Variants in NMUR1 observed in about 807,000 individuals in gnomAD.
The protein encoded by NMUR1 is neuromedin U receptor 1, also known as neuromedin-U receptor 1.
A neutral mutation model predicts 18.8 loss-of-function variants in NMUR1; 16 were observed. The ratio of observed to expected loss-of-function variants is 0.85; its 90% CI spans 0.58 to 1.29. The LOEUF is 1.29. Ranked by LOEUF, NMUR1 falls within the 50% of genes most tolerant of loss-of-function variation. The probability of loss-of-function intolerance (pLI) is 0.00; values close to 1 mark genes in which losing one functional copy is unlikely to be tolerated. For missense variants in NMUR1, 529 were observed against 580.3 expected (o/e 0.91, Z 0.91); for synonymous variants, 258 against 258.2 (o/e 1.00, Z 0.01).
At position 231,528,712 on chromosome 2, in the gene NMUR1, G is replaced by C. The variant is rs113159138; in HGVS notation, c.309C>G (p.Ala103=). The C allele has an allele frequency of 3.7e-6, 6 of 1,614,244 alleles. No homozygotes were observed. The highest frequency in any genetic ancestry group is 1.7e-5 in the Admixed American group (1 of 60,032). ...TPTNYYLFSL[A]VSDLLVLLVG... is the part of the protein sequence containing the mutation. ...CCAGCAGCACCAGCAGGTCCGACAC[G>C]GCCAGGCTGAAGAGGTAGTAGTTGG... The change falls in exon 2 of 3, where the codon GCC becomes GCG. Residue 103 remains alanine, a synonymous_variant. Coordinates refer to ENST00000305141, the MANE Select transcript of NMUR1 (RefSeq NM_006056.5).
At chr2:231,528,098 C>T in intron 2 of NMUR1, 25 bp downstream of exon 2, 1 of 1,522,928 alleles carries the variant, frequency 6.6e-7, no homozygotes. Flanking sequence ...CTGGCTCAGC[C>T]CCTCTTCCCA....
intron 1 of NMUR1, 89 bp from the exon 2 acceptor site, chr2:231,529,106 G>A (rs754104936): frequency 8.7e-6 from 11 of 1,261,700 alleles, no homozygotes; most frequent in South Asian, 1.5e-5. Context: ...TGACATTAGC[G>A]CTATGATGAC....
chr2:231,518,560 A>G (rs1291608195), downstream of NMUR1, among the ~76,000 whole-genome samples: 1 of 152,226 alleles, frequency 6.6e-6, no homozygotes, highest in Non-Finnish European at 1.5e-5. Flanking sequence ...GATGGAATCA[A>G]ATTGCCAGAA....
chr2:231,519,282 A>G (rs1458046133), downstream of NMUR1, among the ~76,000 whole-genome samples: 1 of 152,186 alleles, frequency 6.6e-6, no homozygotes, highest in Non-Finnish European at 1.5e-5. Context: ...CTTATTGACC[A>G]GGGCGCACTT....
At chr2:231,528,102 C>T in intron 2 of NMUR1, 21 bp downstream of exon 2, 1 of 1,524,600 alleles carries the variant, frequency 6.6e-7, no homozygotes, top group Non-Finnish European at 8.8e-7. Flanking sequence ...CTCAGCCCCT[C>T]TTCCCAGCCG....
downstream of NMUR1, among the ~76,000 whole-genome samples, chr2:231,518,700 C>A (rs1284167578): frequency 6.6e-6 from 1 of 152,128 alleles, no homozygotes; most frequent in Non-Finnish European, 1.5e-5. Flanking sequence ...GGAGGTGAGA[C>A]GAACAGGGAG....
downstream of NMUR1, among the ~76,000 whole-genome samples, chr2:231,519,818 G>A (rs371099915): frequency 1.3e-5 from 2 of 152,292 alleles, no homozygotes; most frequent in African/African-American, 4.8e-5. Context: ...TGAGTCAGGC[G>A]CAGTGGCTCT....
intron 1 of NMUR1, among the ~76,000 whole-genome samples, chr2:231,529,577 C>A (rs2047395865): frequency 6.6e-6 from 1 of 151,706 alleles, no homozygotes; most frequent in Non-Finnish European, 1.5e-5. Context: ...AATGACAGAT[C>A]TTGGGTGTCT....
In NMUR1 at chr2:231,528,792, C is replaced by T. The variant is rs1233690818; in HGVS notation, c.229G>A (p.Gly77Ser). The T allele has an allele frequency of 1.2e-6, 2 of 1,614,212 alleles. No individual in the cohort carries two copies. The highest frequency in any genetic ancestry group is 8.5e-7 in the Non-Finnish European group (1 of 1,180,038). The change falls in exon 2 of 3, where the codon GGC (glycine) becomes AGC (serine). Residue 77 changes from glycine to serine, a missense_variant. Physicochemically the swap from Gly to Ser is moderately conservative, Grantham distance 56 (BLOSUM62 0). Coordinates refer to ENST00000305141, the MANE Select transcript of NMUR1 (RefSeq NM_006056.5). Reference sequence around the variant, plus strand: ...ATGACCAGACAGGTCAGCCCATTGCCCACAGCGCCCACCACGAAGATCAGC... The same window carrying T: ...ATGACCAGACAGGTCAGCCCATTGCTCACAGCGCCCACCACGAAGATCAGC... ...YLLIFVVGAV[G>S]NGLTCLVILR...
At chr2:231,525,953 CACAG>C (rs2125664298) in intron 2 of NMUR1, among the ~76,000 whole-genome samples, 1 of 109,742 alleles carries the variant, frequency 9.1e-6, no homozygotes, top group South Asian at 3.3e-4. Context: ...CATGCACACA[CACAG>C]ACACACACAT....
In NMUR1 at chr2:231,525,235, G is replaced by T; in HGVS notation, c.1089C>A (p.Phe363Leu). ...PVLYSLMSSRFRETFQEALCL... is the reference protein window; with the variant it reads ...PVLYSLMSSRLRETFQEALCL... ...ACAGGGCCTCCTGGAAGGTCTCTCG[G>T]AAGCGGCTGGACATGAGGCTATAGA... Residue 363 changes from phenylalanine to leucine, a missense_variant, in exon 3 of 3, where the codon TTC (phenylalanine) becomes TTA (leucine). Transcript: ENST00000305141. The T allele has an allele frequency of 6.2e-7, 1 of 1,614,196 alleles. No individual in the cohort carries two copies. Among genetic ancestry groups the T allele is most frequent in the South Asian group, 1.1e-5 (1 of 91,084 alleles).
chr2:231,520,864 C>A (rs1232354209), downstream of NMUR1, among the ~76,000 whole-genome samples: 1 of 152,196 alleles, frequency 6.6e-6, no homozygotes, highest in African/African-American at 2.4e-5. Flanking sequence ...GCATATGCAG[C>A]TTTGTTTGTT....
chr2:231,529,725 C>T (rs1291922120), intron 1 of NMUR1, among the ~76,000 whole-genome samples: 3 of 152,184 alleles, frequency 2.0e-5, no homozygotes, highest in Non-Finnish European at 4.4e-5. Context: ...CTCCCCAGTT[C>T]CAGGCTGTGT....
intron 1 of NMUR1, among the ~76,000 whole-genome samples, chr2:231,530,048 C>A (rs2125670779): frequency 6.6e-6 from 1 of 152,374 alleles, no homozygotes; most frequent in Admixed American, 6.5e-5. Context: ...CCACACCCTT[C>A]CTCCCGCCCG....
intron 2 of NMUR1, among the ~76,000 whole-genome samples, chr2:231,527,399 T>G (rs2047366995): frequency 6.6e-6 from 1 of 151,944 alleles, no homozygotes; most frequent in African/African-American, 2.4e-5. Flanking sequence ...TCCCAGCACT[T>G]TGGGAGGCTG....
intron 2 of NMUR1, among the ~76,000 whole-genome samples, chr2:231,527,637 C>CAAAAA (rs10522812): frequency 5.0e-5 from 5 of 99,968 alleles, no homozygotes; most frequent in South Asian, 2.7e-4. Flanking sequence ...GACCCTGTCT[C>CAAAAA]AAAAAAAAAA....
downstream of NMUR1, among the ~76,000 whole-genome samples, chr2:231,521,606 A>C (rs2047304406): frequency 6.6e-6 from 1 of 152,134 alleles, no homozygotes; most frequent in African/African-American, 2.4e-5. Context: ...CACCCAGGAA[A>C]GCAGCAGGAG....
In NMUR1 at chr2:231,529,032, G is replaced by T; in HGVS notation, c.4-15C>A. 6.3e-7 allele frequency: 1 copy of T among 1,579,224 alleles called. No individual in the cohort carries two copies. ...CAGAGAGGAGTCTGTGGAACAGAGG[G>T]GAGAGATGCCCAGAAAGATCATTCA... On this transcript the variant is annotated splice_polypyrimidine_tract_variant and intron_variant, in intron 1 of 2. Transcript: ENST00000305141.
At chr2:231,527,999 CG>C in intron 2 of NMUR1, 123 bp downstream of exon 2, 47 of 959,660 alleles carry the variant, frequency 4.9e-5, no homozygotes, top group Non-Finnish European at 6.0e-5. Flanking sequence ...CACACACACA[CG>C]AGACTAGAGG....
Sources: allele counts gnomAD v4.1 joint callset (sites outside exome capture counted in the v4.1 genomes callset), GRCh38; gene constraint gnomAD v4.1.1; transcripts MANE v1.5; gene names NCBI Gene and HGNC (gene_info 2026-07-23, HGNC 2026-07-21).